Variants in RNF182 observed in about 807,000 individuals in gnomAD.
RNF182 encodes E3 ubiquitin-protein ligase RNF182.
RNF182 carries 15 observed loss-of-function variants against 14.4 expected under a neutral mutation model. The observed-to-expected ratio is 1.04, with a 90% CI of 0.70 to 1.60. RNF182 has a LOEUF of 1.60. Ranked by LOEUF, RNF182 falls within the 40% of genes most tolerant of loss-of-function variation. RNF182 has a pLI of 0.00. For synonymous variants in RNF182, 128 were observed against 122.9 expected, an observed-to-expected ratio of 1.04 and a Z score of -0.27; for missense variants, 268 against 294.8, an observed-to-expected ratio of 0.91 and a Z score of 0.67.
At chr6:13,960,075 A>T (rs978829516) in intron 1 of RNF182, among the ~76,000 whole-genome samples, 6 of 152,226 alleles carry the variant, frequency 3.9e-5, no homozygotes, top group Non-Finnish European at 1.5e-5. Flanking sequence ...CTGTGATGTC[A>T]TGGAACCTGT....
At chr6:13,933,230 G>A (rs146299400) in intron 1 of RNF182, among the ~76,000 whole-genome samples, 1 of 152,200 alleles carries the variant, frequency 6.6e-6, no homozygotes, top group Non-Finnish European at 1.5e-5. Context: ...TAAGTTATGG[G>A]TTATATTAAA....
intron 1 of RNF182, among the ~76,000 whole-genome samples, chr6:13,955,668 T>A (rs1444077429): frequency 6.6e-6 from 1 of 152,248 alleles, no homozygotes; most frequent in African/African-American, 2.4e-5. Flanking sequence ...CATGGCAGAA[T>A]GTTTCCATGT....
chr6:13,973,167 C>A (rs1410107094), intron 1 of RNF182, among the ~76,000 whole-genome samples: 4 of 152,190 alleles, frequency 2.6e-5, no homozygotes, highest in Admixed American at 2.6e-4. Context: ...CCTGTAGCCC[C>A]TTTGTTTTGA....
chr6:13,977,055 G>A lies in RNF182; in HGVS notation c.-65G>A. The A allele has an allele frequency of 6.7e-7, 1 of 1,495,640 alleles. No individual in the cohort carries two copies. Among genetic ancestry groups the A allele is most frequent in the Non-Finnish European group, 9.1e-7 (1 of 1,101,190 alleles). 92.6% of individuals were successfully genotyped at this position (1,495,640 alleles called of 1,614,324 possible). ...TTTGGATGATATGATATTCAGAGGG[G>A]CACCTTAATCAAAGCCATTCTTCAA... On this transcript the variant is annotated 5_prime_UTR_variant, in exon 3 of 3. Transcript: ENST00000488300.
chr6:13,927,480 T>C (rs9349847), intron 1 of RNF182, among the ~76,000 whole-genome samples: 59,642 of 152,044 alleles, frequency 0.39, 12,297 homozygotes, highest in East Asian at 0.59. Flanking sequence ...GTAAAATTGG[T>C]CCTAATTTTT....
At chr6:13,954,461 C>T (rs1204300509) in intron 1 of RNF182, among the ~76,000 whole-genome samples, 3 of 152,146 alleles carry the variant, frequency 2.0e-5, no homozygotes, top group Non-Finnish European at 4.4e-5. Flanking sequence ...AACCTGTGGC[C>T]TGTGGGCCAC....
chr6:13,937,060 G>C (rs1000580572), intron 1 of RNF182, among the ~76,000 whole-genome samples: 1 of 152,094 alleles, frequency 6.6e-6, no homozygotes, highest in Non-Finnish European at 1.5e-5. Flanking sequence ...GTTTTAGAAA[G>C]TCTCTCATGG....
intron 1 of RNF182, among the ~76,000 whole-genome samples, chr6:13,961,115 T>C (rs1759871689): frequency 6.6e-6 from 1 of 152,334 alleles, no homozygotes; most frequent in African/African-American, 2.4e-5. Flanking sequence ...CATTTCCCTC[T>C]CAGCTTATCA....
At chr6:13,953,326 G>A (rs924251722) in intron 1 of RNF182, among the ~76,000 whole-genome samples, 1 of 152,194 alleles carries the variant, frequency 6.6e-6, no homozygotes, top group African/African-American at 2.4e-5. Context: ...CAGTGGACAG[G>A]TGAGTTACTA....
intron 1 of RNF182, among the ~76,000 whole-genome samples, chr6:13,932,655 C>T (rs1759002394): frequency 6.6e-6 from 1 of 152,066 alleles, no homozygotes; most frequent in African/African-American, 2.4e-5. Context: ...GTCAAATACT[C>T]CTAAACATTT....
intron 1 of RNF182, among the ~76,000 whole-genome samples, chr6:13,936,559 A>G (rs1395888043): frequency 6.6e-6 from 1 of 152,238 alleles, no homozygotes. Flanking sequence ...AGAGTGGGAA[A>G]TTTCTTAAGT....
intron 1 of RNF182, among the ~76,000 whole-genome samples, chr6:13,935,420 A>ATG (rs1759083741): frequency 6.6e-6 from 1 of 152,220 alleles, no homozygotes; most frequent in East Asian, 1.9e-4. Context: ...CACACAAGAT[A>ATG]TGTGTGTGTA....
chr6:13,969,911 T>G (rs1248785471), intron 1 of RNF182, among the ~76,000 whole-genome samples: 1 of 152,202 alleles, frequency 6.6e-6, no homozygotes, highest in Non-Finnish European at 1.5e-5. Context: ...TTAAGGCAAT[T>G]TCAGCATACC....
At chr6:13,930,375 G>C (rs1335596763) in intron 1 of RNF182, among the ~76,000 whole-genome samples, 2 of 152,154 alleles carry the variant, frequency 1.3e-5, no homozygotes, top group Non-Finnish European at 2.9e-5. Flanking sequence ...TATTTTCTGT[G>C]GTATTGGCCT....
chr6:13,967,754 G>C (rs1350764263), intron 1 of RNF182, among the ~76,000 whole-genome samples: 1 of 151,950 alleles, frequency 6.6e-6, no homozygotes, highest in Non-Finnish European at 1.5e-5. Flanking sequence ...TTAAAAAATA[G>C]AGATGGAGTC....
chr6:13,957,570 CA>C (rs1206053440), intron 1 of RNF182, among the ~76,000 whole-genome samples: 6 of 152,154 alleles, frequency 3.9e-5, no homozygotes, highest in African/African-American at 1.2e-4. Context: ...TGCTTCATCT[CA>C]TGAGATGTTG....
At chr6:13,972,166 A>G (rs981132168) in intron 1 of RNF182, among the ~76,000 whole-genome samples, 1 of 151,928 alleles carries the variant, frequency 6.6e-6, no homozygotes, top group Non-Finnish European at 1.5e-5. Context: ...TTAGCTGGGC[A>G]TGGTGGAACG....
intron 1 of RNF182, among the ~76,000 whole-genome samples, chr6:13,959,162 G>A (rs1759802118): frequency 6.6e-6 from 1 of 152,152 alleles, no homozygotes; most frequent in Non-Finnish European, 1.5e-5. Context: ...CAGCGTCAAG[G>A]TATTCCTTTA....
chr6:13,977,758 C>T lies in RNF182; in HGVS notation c.639C>T (p.Val213=), dbSNP rs771381872. The change falls in exon 3 of 3, where the codon GTC becomes GTT. Residue 213 remains valine, a synonymous_variant. Transcript: ENST00000488300. ...TGTCTAAGAAAGTCACCCTTGGGGT[C>T]GTCTTTGTCAGCCTGGTCCCTTCGA... The part of the protein sequence containing the change: ...LLVSKKVTLG[V]VFVSLVPSSL... 20 of 1,613,954 alleles carry T rather than the reference C, an allele frequency of 1.2e-5. No individual in the cohort carries two copies. In the East Asian group the frequency reaches 1.8e-4, roughly 14 times the overall value.
Sources: gnomAD v4.1 joint callset for allele counts (sites outside exome capture counted in the v4.1 genomes callset) on GRCh38, gnomAD v4.1.1 for gene constraint, MANE v1.5 for transcripts, NCBI Gene and HGNC (gene_info 2026-07-23, HGNC 2026-07-21) for gene names.